The following MAPK10 variants were observed in gnomAD, a reference collection of about 807,000 sequenced individuals.
MAPK10 encodes the protein JNK3 alpha protein kinase.
A neutral mutation model predicts 59.3 loss-of-function variants in MAPK10; 25 were observed. That is an observed-to-expected ratio of 0.42 (90% CI 0.31 to 0.59). MAPK10 has a LOEUF of 0.59. Ranked by LOEUF, MAPK10 falls within the 20% of genes least tolerant of loss-of-function variation. The probability of loss-of-function intolerance (pLI) is 0.15; values close to 1 mark genes in which losing one functional copy is unlikely to be tolerated. For synonymous variants in MAPK10, 190 were observed against 200.5 expected (o/e 0.95, Z 0.44); for missense variants, 351 against 568.9 (o/e 0.62, Z 3.90).
intron 4 of MAPK10, among the ~76,000 whole-genome samples, chr4:86,156,203 G>A (rs1244160743): frequency 6.6e-6 from 1 of 151,890 alleles, no homozygotes; most frequent in Non-Finnish European, 1.5e-5. Flanking sequence ...TAATCCATTG[G>A]ATTATTCCCA....
Position 86,101,032 on chromosome 4 carries a change from C to T in MAPK10, c.730+20G>A. On this transcript the variant is annotated intron_variant, in intron 8 of 13. Transcript: ENST00000641462. ...CGTTTCATTCATGGTTTTGATGCTG[C>T]TCTCCCGAAGCATCCCTACCGTTCT... The T allele has an allele frequency of 1.9e-6, 3 of 1,609,528 alleles. No individual in the cohort carries two copies. The highest frequency in any genetic ancestry group is 2.5e-6 in the Non-Finnish European group (3 of 1,176,720).
intron 2 of MAPK10, among the ~76,000 whole-genome samples, chr4:86,276,172 T>C (rs184840402): frequency 5.3e-5 from 8 of 152,266 alleles, no homozygotes; most frequent in Admixed American, 4.6e-4. Flanking sequence ...ATTTAATTCA[T>C]ATTTATATTG....
upstream of MAPK10, among the ~76,000 whole-genome samples, chr4:86,361,003 A>G (rs1736848034): frequency 1.3e-5 from 2 of 151,966 alleles, no homozygotes; most frequent in Admixed American, 6.6e-5. Context: ...TTTTGCTTAC[A>G]CTCTTTTGAG....
chr4:86,565,251 A>C (rs1395830626), intron 1 of MAPK10, among the ~76,000 whole-genome samples: 1 of 152,234 alleles, frequency 6.6e-6, no homozygotes, highest in Non-Finnish European at 1.5e-5. Context: ...ATATTCTCAC[A>C]TCATACATAT....
At chr4:86,551,758 C>T (rs1759808719) in intron 1 of MAPK10, among the ~76,000 whole-genome samples, 1 of 152,162 alleles carries the variant, frequency 6.6e-6, no homozygotes, top group African/African-American at 2.4e-5. Flanking sequence ...GAGGGCACCA[C>T]CACACCTGGC....
At chr4:86,346,734 A>G (rs971067799) in intron 2 of MAPK10, among the ~76,000 whole-genome samples, 5 of 14,164 alleles carry the variant, frequency 3.5e-4, no homozygotes, top group African/African-American at 4.7e-4. Flanking sequence ...GTTTGTTTGG[A>G]AAAAAAAAAA....
At chr4:86,530,446 C>T (rs1449448127) in intron 1 of MAPK10, among the ~76,000 whole-genome samples, 2 of 152,158 alleles carry the variant, frequency 1.3e-5, no homozygotes, top group Admixed American at 6.5e-5. Flanking sequence ...TACCACAGCA[C>T]ACAGTGGGAA....
At chr4:86,076,806 A>G (rs1161924648) in intron 9 of MAPK10, among the ~76,000 whole-genome samples, 2 of 152,218 alleles carry the variant, frequency 1.3e-5, no homozygotes, top group Non-Finnish European at 2.9e-5. Flanking sequence ...AACATGGTAA[A>G]TATGTTTTTA....
intron 1 of MAPK10, among the ~76,000 whole-genome samples, chr4:86,522,994 AT>A (rs1247798497): frequency 6.6e-6 from 1 of 152,136 alleles, no homozygotes; most frequent in Non-Finnish European, 1.5e-5. Context: ...CTAGAAATAC[AT>A]TTTTTTGGAC....
intron 1 of MAPK10, among the ~76,000 whole-genome samples, chr4:86,581,248 G>C (rs1407292141): frequency 2.0e-5 from 3 of 150,830 alleles, no homozygotes; most frequent in African/African-American, 7.3e-5. Context: ...ACATACCCTT[G>C]TCTGAAATTT....
chr4:86,340,807 AAGAG>A (rs886171390), intron 2 of MAPK10, among the ~76,000 whole-genome samples: 80 of 152,342 alleles, frequency 5.3e-4, no homozygotes, highest in African/African-American at 1.8e-3. Context: ...CAGTGTGACT[AAGAG>A]AAAGACTCAA....
At chr4:86,428,946 A>T (rs958536213) in intron 1 of MAPK10, among the ~76,000 whole-genome samples, 1 of 152,192 alleles carries the variant, frequency 6.6e-6, no homozygotes, top group African/African-American at 2.4e-5. Context: ...TTCTCTGCAT[A>T]AAACATTAGC....
chr4:86,578,496 C>T (rs953402663), intron 1 of MAPK10, among the ~76,000 whole-genome samples: 1 of 152,152 alleles, frequency 6.6e-6, no homozygotes, highest in Middle Eastern at 3.2e-3. Flanking sequence ...TCTACAAAGA[C>T]ATAACCTGAG....
intron 11 of MAPK10, among the ~76,000 whole-genome samples, chr4:86,053,629 C>T (rs568194409): frequency 1.6e-4 from 25 of 152,198 alleles, no homozygotes; most frequent in Admixed American, 1.4e-3. Flanking sequence ...AGTTCCCACC[C>T]TGACTTCTTT....
intron 1 of MAPK10, among the ~76,000 whole-genome samples, chr4:86,421,724 CACTA>C (rs1746567550): frequency 6.6e-6 from 1 of 152,168 alleles, no homozygotes; most frequent in Non-Finnish European, 1.5e-5. Flanking sequence ...CTCAGCCTAC[CACTA>C]ACTAGCTGCA....
intron 11 of MAPK10, among the ~76,000 whole-genome samples, chr4:86,052,648 ATTTGT>A (rs1561030179): frequency 6.6e-6 from 1 of 152,112 alleles, no homozygotes; most frequent in Non-Finnish European, 1.5e-5. Context: ...TGCTATAAAC[ATTTGT>A]TACGTTGAAT....
At chr4:86,036,773 C>A (rs2040397531) in intron 11 of MAPK10, among the ~76,000 whole-genome samples, 2 of 152,122 alleles carry the variant, frequency 1.3e-5, no homozygotes, top group Admixed American at 1.3e-4. Flanking sequence ...CAAAATAGTT[C>A]CATTTTATGC....
At position 86,052,057 on chromosome 4, in the gene MAPK10, A is replaced by G. The variant is rs3775175; in HGVS notation, c.1110+12209T>C. ...AAAAAAATACCATTTTAAAATTGTC[A>G]GGGACCACAAGAAACTGTTTTTATA... On this transcript the variant is annotated intron_variant, in intron 11 of 13. Transcript: ENST00000641462. Among the ~76,000 whole-genome samples, 904 of 152,292 alleles carry G rather than the reference A, an allele frequency of 5.9e-3. 34 individuals carry two copies. In the East Asian group the frequency reaches 0.1, roughly 17 times the overall value.
intron 1 of MAPK10, among the ~76,000 whole-genome samples, chr4:86,530,825 T>G (rs1354506418): frequency 1.3e-5 from 2 of 152,194 alleles, no homozygotes; most frequent in East Asian, 3.8e-4. Flanking sequence ...GATCATAGCA[T>G]CTACCAAGAG....
Sources: gnomAD v4.1 joint callset for allele counts (sites outside exome capture counted in the v4.1 genomes callset) on GRCh38, gnomAD v4.1.1 for gene constraint, MANE v1.5 for transcripts, NCBI Gene and HGNC (gene_info 2026-07-23, HGNC 2026-07-21) for gene names.